The following EIPR1 variants were observed in gnomAD, a reference collection of about 807,000 sequenced individuals.
EIPR1 encodes EARP and GARP complex-interacting protein 1.
A neutral mutation model predicts 48.1 loss-of-function variants in EIPR1; 25 were observed. The ratio of observed to expected loss-of-function variants is 0.52; its 90% CI spans 0.38 to 0.73. The LOEUF is 0.73. Among genes scored for constraint, EIPR1 ranks in the 30% least tolerant of loss-of-function variants. EIPR1 has a pLI of 0.00. For synonymous variants in EIPR1, 204 were observed against 201.9 expected, an observed-to-expected ratio of 1.01 and a Z score of -0.09; for missense variants, 415 against 506.2, an observed-to-expected ratio of 0.82 and a Z score of 1.73.
chr2:3,205,203 T>G (rs1665188590), intron 5 of EIPR1, among the ~76,000 whole-genome samples: 1 of 152,188 alleles, frequency 6.6e-6, no homozygotes, highest in African/African-American at 2.4e-5. Flanking sequence ...CATCCCACCC[T>G]GAGCCCGTTC....
chr2:3,285,226 G>A (rs1668142592), intron 3 of EIPR1, among the ~76,000 whole-genome samples: 1 of 152,236 alleles, frequency 6.6e-6, no homozygotes, highest in Admixed American at 6.5e-5. Flanking sequence ...GACAGGGCAG[G>A]GGAGAAGCAG....
chr2:3,269,191 ACACTCAATCATCACACTCAATCATCG>A (rs1667589662), intron 3 of EIPR1, among the ~76,000 whole-genome samples: 1 of 151,822 alleles, frequency 6.6e-6, no homozygotes. Flanking sequence ...AGCAGCAGCC[ACACTCAATCATCACACTCAATCATCG>A]CACTCAATCA....
chr2:3,316,295 C>G (rs1265283317), intron 3 of EIPR1, among the ~76,000 whole-genome samples: 2 of 152,134 alleles, frequency 1.3e-5, no homozygotes, highest in Non-Finnish European at 2.9e-5. Flanking sequence ...CCCCTCTACC[C>G]TCATGCTTTT....
At chr2:3,306,923 G>GTA (rs1668963523) in intron 3 of EIPR1, among the ~76,000 whole-genome samples, 1 of 151,990 alleles carries the variant, frequency 6.6e-6, no homozygotes, top group African/African-American at 2.4e-5. Flanking sequence ...TATTTAGGAT[G>GTA]TACATAAATA....
At chr2:3,333,810 G>A (rs914832421) in intron 3 of EIPR1, among the ~76,000 whole-genome samples, 3 of 151,704 alleles carry the variant, frequency 2.0e-5, no homozygotes, top group East Asian at 1.9e-4. Context: ...AGAAAGACAC[G>A]GAAAGCAGCT....
At chr2:3,324,772 G>A (rs913076397) in intron 3 of EIPR1, among the ~76,000 whole-genome samples, 14 of 152,198 alleles carry the variant, frequency 9.2e-5, no homozygotes, top group African/African-American at 2.9e-4. Flanking sequence ...CGGTCACGCC[G>A]GGGGGAGTGC....
At chr2:3,301,829 G>A (rs984942764) in intron 3 of EIPR1, among the ~76,000 whole-genome samples, 10 of 152,296 alleles carry the variant, frequency 6.6e-5, no homozygotes, top group African/African-American at 2.4e-4. Context: ...AATGTCTTAG[G>A]TGTTAGATGT....
intron 4 of EIPR1, among the ~76,000 whole-genome samples, chr2:3,235,100 C>T (rs933174590): frequency 6.6e-6 from 1 of 152,208 alleles, no homozygotes; most frequent in Non-Finnish European, 1.5e-5. Context: ...GACTAACATG[C>T]AAACTTGCAC....
In EIPR1 at chr2:3,192,592, C is replaced by T. The variant is rs1162410208; in HGVS notation, c.822-11G>A. 4 of 1,607,786 alleles carry T rather than the reference C, an allele frequency of 2.5e-6. No homozygotes were observed. In the South Asian group the frequency reaches 4.4e-5, roughly 18 times the overall value. On this transcript the variant is annotated splice_polypyrimidine_tract_variant and intron_variant, in intron 7 of 8. Coordinates refer to ENST00000382125, the MANE Select transcript of EIPR1 (RefSeq NM_003310.5). ...CGGACGTTCCACACCCTGCAAAGGG[C>T]AAGGCAGCTGCTGAAATGAACTGTC...
At chr2:3,341,789 T>C (rs779490289) in intron 2 of EIPR1, among the ~76,000 whole-genome samples, 13 of 152,224 alleles carry the variant, frequency 8.5e-5, no homozygotes, top group Middle Eastern at 3.4e-3. Context: ...ATGTCCCCAG[T>C]AGCACATTCT....
At chr2:3,264,774 G>A (rs1283504470) in intron 3 of EIPR1, among the ~76,000 whole-genome samples, 3 of 152,106 alleles carry the variant, frequency 2.0e-5, no homozygotes, top group African/African-American at 4.8e-5. Flanking sequence ...TGCAACCTCC[G>A]CCTCCCGGGT....
intron 3 of EIPR1, among the ~76,000 whole-genome samples, chr2:3,335,255 T>C (rs950346002): frequency 6.6e-6 from 1 of 152,134 alleles, no homozygotes; most frequent in Non-Finnish European, 1.5e-5. Context: ...TCCTCTGCAG[T>C]GTATAATGAC....
chr2:3,213,533 T>C (rs1416724733), intron 5 of EIPR1, among the ~76,000 whole-genome samples: 2 of 152,232 alleles, frequency 1.3e-5, no homozygotes, highest in Non-Finnish European at 2.9e-5. Context: ...CTTAAAACTA[T>C]GATTTTACCC....
At position 3,189,483 on chromosome 2, in the gene EIPR1, C is replaced by T. The variant is rs750102975; in HGVS notation, c.1015G>A (p.Val339Met). ...EKSKEPLQDN[V>M]IATYEEHEDS... is the part of the protein sequence containing the mutation. ...TCGTGCTCCTCGTAGGTGGCGATCA[C>T]GTTGTCCTGCAGGGGCTCCTTGCTC... is the stretch of plus-strand genomic sequence containing the variant. The change falls in exon 9 of 9, where the codon GTG (valine) becomes ATG (methionine). Residue 339 changes from valine to methionine, a missense_variant. Transcript: ENST00000382125. The surrounding 1 kb of genome is among the most constrained non-coding windows in gnomAD (Gnocchi z 4.6). 1.7e-5 allele frequency: 27 copies of T among 1,567,656 alleles called. No individual in the cohort carries two copies. Among genetic ancestry groups the T allele is most frequent in the East Asian group, 6.9e-5 (3 of 43,570 alleles).
chr2:3,236,371 G>T (rs1346193008), intron 4 of EIPR1, among the ~76,000 whole-genome samples: 3 of 152,222 alleles, frequency 2.0e-5, no homozygotes, highest in Non-Finnish European at 2.9e-5. Flanking sequence ...GTCCCTCGCT[G>T]CCTGGCCCAG....
chr2:3,317,364 AGC>A (rs1669342062), intron 3 of EIPR1, among the ~76,000 whole-genome samples: 3 of 151,328 alleles, frequency 2.0e-5, no homozygotes, highest in Non-Finnish European at 4.4e-5. Flanking sequence ...GAGCCCCAGG[AGC>A]GCACAAGGTG....
chr2:3,273,362 G>A (rs2103248196), intron 3 of EIPR1, among the ~76,000 whole-genome samples: 1 of 152,274 alleles, frequency 6.6e-6, no homozygotes, highest in East Asian at 1.9e-4. Context: ...GGAACCTAAA[G>A]GCCACAGATA....
chr2:3,203,924 G>A (rs994709123), intron 5 of EIPR1, among the ~76,000 whole-genome samples: 1 of 152,192 alleles, frequency 6.6e-6, no homozygotes, highest in African/African-American at 2.4e-5. Context: ...CAGCCCCACT[G>A]ACCCTGAGAC....
chr2:3,250,271 C>T (rs1375710244), intron 4 of EIPR1, among the ~76,000 whole-genome samples: 2 of 152,188 alleles, frequency 1.3e-5, no homozygotes, highest in African/African-American at 2.4e-5. Flanking sequence ...ACCAGTGTGC[C>T]CTGGACGTAG....
Sources: gnomAD v4.1 joint callset for allele counts (sites outside exome capture counted in the v4.1 genomes callset) on GRCh38, gnomAD v4.1.1 for gene constraint, Gnocchi (gnomAD v3.1) non-coding constraint, MANE v1.5 for transcripts, NCBI Gene and HGNC (gene_info 2026-07-23, HGNC 2026-07-21) for gene names.